The following AKAP11 variants were observed in gnomAD, a reference collection of about 807,000 sequenced individuals.
The protein encoded by AKAP11 is A-kinase anchor protein 11.
AKAP11 carries 36 observed loss-of-function variants against 146.1 expected under a neutral mutation model. The observed-to-expected ratio is 0.25, with a 90% CI of 0.19 to 0.33. The LOEUF (loss-of-function observed/expected upper bound fraction) is 0.33. Among genes scored for constraint, AKAP11 ranks in the 10% least tolerant of loss-of-function variants. AKAP11 has a pLI of 1.00. For synonymous variants in AKAP11, 780 were observed against 786.5 expected, an observed-to-expected ratio of 0.99 and a Z score of 0.14; for missense variants, 2,201 against 2,197.0, an observed-to-expected ratio of 1.00 and a Z score of -0.04.
Position 42,290,647 on chromosome 13 carries a change from C to CA in AKAP11, c.52-1737dup, listed in dbSNP as rs754107772. 2.0e-4 allele frequency among the ~76,000 whole-genome samples: 30 copies of CA among 152,156 alleles called. 1 individual carries two copies. Among genetic ancestry groups the CA allele is most frequent in the Non-Finnish European group, 2.8e-4 (19 of 68,012 alleles). ...CTGACTTTGTCTCTTTTAATGGACT[C>CA]ACAGATTTTTTTTAATCCAGTAGTC... On this transcript the variant is annotated intron_variant, in intron 3 of 12. Transcript: ENST00000025301.
At position 42,301,513 on chromosome 13, in the gene AKAP11, C is replaced by A; in HGVS notation, c.2767C>A (p.Gln923Lys). 1.2e-6 allele frequency: 2 copies of A among 1,614,010 alleles called. No individual in the cohort carries two copies. The highest frequency in any genetic ancestry group is 2.2e-5 in the South Asian group (2 of 91,042). Residue 923 changes from glutamine (Q) to lysine (K), a missense_variant, in exon 8 of 13, where the codon CAG (glutamine) becomes AAG (lysine). Around this residue, in one of 3 missense-constraint regions of AKAP11, gnomAD observed 1,867 missense variants for 1,833.5 expected, o/e 1.02. Coordinates refer to ENST00000025301, the MANE Select transcript of AKAP11 (RefSeq NM_016248.4). ...AACCCCTCCATTTTCCCACTGTGAT[C>A]AGGCAGTGCTGCAATGCAGTGAAGC... ...EKTPPFSHCD[Q>K]AVLQCSEASS...
intron 8 of AKAP11, 138 bp from the exon 9 acceptor site, chr13:42,308,316 A>G (rs1433790725): frequency 1.5e-6 from 1 of 658,172 alleles, no homozygotes; most frequent in African/African-American, 1.8e-5. Flanking sequence ...ACTCAAATAA[A>G]GGATTACATG....
chr13:42,315,178 G>C (rs1960761634), intron 11 of AKAP11, among the ~76,000 whole-genome samples: 1 of 152,126 alleles, frequency 6.6e-6, no homozygotes, highest in Admixed American at 6.5e-5. Flanking sequence ...TGAATTTTCA[G>C]TTAGTTTAAC....
chr13:42,313,139 A>T lies in AKAP11; in HGVS notation c.5357+9A>T, dbSNP rs752352130. 1.2e-6 allele frequency: 2 copies of T among 1,600,914 alleles called. No individual in the cohort carries two copies. Among genetic ancestry groups the T allele is most frequent in the Non-Finnish European group, 1.7e-6 (2 of 1,173,340 alleles). On this transcript the variant is annotated intron_variant, in intron 10 of 12. Transcript: ENST00000025301. ...TTTCCAACATCAGACAGGTTGGTCC[A>T]GTCTAGAAACTTAAAAACTGATGAG... is the stretch of plus-strand genomic sequence containing the variant.
intron 9 of AKAP11, among the ~76,000 whole-genome samples, chr13:42,311,978 T>C (rs530530889): frequency 3.9e-5 from 6 of 152,348 alleles, no homozygotes; most frequent in Admixed American, 1.3e-4. Flanking sequence ...TTGAGATTGC[T>C]TGGAAGTTTT....
intron 10 of AKAP11, 96 bp downstream of exon 10, chr13:42,313,226 G>A (rs1960648315): frequency 1.2e-6 from 1 of 822,828 alleles, no homozygotes; most frequent in Non-Finnish European, 1.9e-6. Flanking sequence ...GTGCCAGTAT[G>A]TATCAACCTG....
At chr13:42,278,924 G>A (rs1186581306) in intron 1 of AKAP11, among the ~76,000 whole-genome samples, 1 of 147,894 alleles carries the variant, frequency 6.8e-6, no homozygotes, top group African/African-American at 2.5e-5. Flanking sequence ...GTATATCTGG[G>A]TTGATGCTTT....
chr13:42,309,510 G>A (rs934293524), intron 9 of AKAP11, among the ~76,000 whole-genome samples: 1 of 152,158 alleles, frequency 6.6e-6, no homozygotes, highest in Non-Finnish European at 1.5e-5. Context: ...CATAAGGAAA[G>A]GAAATGGCTT....
In AKAP11 at chr13:42,301,677, A is replaced by G; in HGVS notation, c.2931A>G (p.Glu977=). 6.2e-7 allele frequency: 1 copy of G among 1,614,146 alleles called. No homozygotes were observed. Among genetic ancestry groups the G allele is most frequent in the Non-Finnish European group, 8.5e-7 (1 of 1,179,990 alleles). The stretch of plus-strand genomic sequence containing the variant: ...AAAGCTTGCCTGTTTCTGGAGAAGA[A>G]TCACAGTTGACACCAGAAAAGTCTC... ...YKESLPVSGE[E]SQLTPEKSPK... is the part of the protein sequence containing the mutation. The change falls in exon 8 of 13, where the codon GAA becomes GAG. Residue 977 remains glutamate (E), a synonymous_variant. Transcript: ENST00000025301.
chr13:42,314,469 AAGG>A (rs1960720375), intron 11 of AKAP11, among the ~76,000 whole-genome samples: 2 of 141,962 alleles, frequency 1.4e-5, no homozygotes, highest in South Asian at 4.6e-4. Context: ...AAAAAAAAAA[AAGG>A]AATACTTTAT....
Position 42,302,990 on chromosome 13 carries a change from A to G in AKAP11, c.4244A>G (p.Lys1415Arg), listed in dbSNP as rs898847023. The G allele has an allele frequency of 1.9e-6, 3 of 1,613,768 alleles. No homozygotes were observed. The highest frequency in any genetic ancestry group is 2.5e-6 in the Non-Finnish European group (3 of 1,180,020). Residue 1415 changes from lysine (K) to arginine (R), a missense_variant, in exon 8 of 13, where the codon AAA becomes AGA. Physicochemically the swap from Lys to Arg is conservative, Grantham distance 26. Around this residue, in one of 3 missense-constraint regions of AKAP11, gnomAD observed 1,867 missense variants for 1,833.5 expected, o/e 1.02. Transcript: ENST00000025301. ...TNKELLMFSN[K>R]EHHQEADKKR... ...AAGGAACTGTTAATGTTTTCAAACA[A>G]AGAGCACCACCAAGAAGCAGACAAA...
Position 42,301,842 on chromosome 13 carries a change from G to C in AKAP11, c.3096G>C (p.Gln1032His). Residue 1032 changes from glutamine (Q) to histidine (H), a missense_variant, in exon 8 of 13, where the codon CAG becomes CAC. Coordinates refer to ENST00000025301, the MANE Select transcript of AKAP11 (RefSeq NM_016248.4). The stretch of plus-strand genomic sequence containing the variant: ...CATCTTGTCCAGCTGTGACAGGTCA[G>C]AAATCTGACTTGAAGGAATCTGCTA... ...TLPSCPAVTG[Q>H]KSDLKESAKD... 6.2e-7 allele frequency: 1 copy of C among 1,614,176 alleles called. No homozygotes were observed. Among genetic ancestry groups the C allele is most frequent in the Non-Finnish European group, 8.5e-7 (1 of 1,180,014 alleles).
Position 42,300,049 on chromosome 13 carries a change from C to T in AKAP11, c.1303C>T (p.Arg435Cys), listed in dbSNP as rs982512953. Reference sequence around the variant, plus strand: ...CCTGTGTGATGCTCCGGATTCTCCTCGCCCAGTGAAGGCATCAAGGGAAGA... The same window carrying T: ...CCTGTGTGATGCTCCGGATTCTCCTTGCCCAGTGAAGGCATCAAGGGAAGA... ...GNLCDAPDSP[R>C]PVKASREDSG... Residue 435 changes from arginine to cysteine, a missense_variant, in exon 8 of 13, where the codon CGC (arginine) becomes TGC (cysteine). Physicochemically the swap from Arg to Cys is radical, Grantham distance 180. Transcript: ENST00000025301. 9.3e-6 allele frequency: 15 copies of T among 1,613,788 alleles called. No homozygotes were observed. The highest frequency in any genetic ancestry group is 2.2e-5 in the East Asian group (1 of 44,896).
At position 42,300,779 on chromosome 13, in the gene AKAP11, C is replaced by T. The variant is rs1345798798; in HGVS notation, c.2033C>T (p.Ser678Leu). The T allele has an allele frequency of 8.1e-6, 13 of 1,614,012 alleles. No individual in the cohort carries two copies. Among genetic ancestry groups the T allele is most frequent in the Middle Eastern group, 1.6e-4 (1 of 6,062 alleles). ...PQTPASPQCG[S>L]FDFEDKVVKL... is the part of the protein sequence containing the mutation. The stretch of plus-strand genomic sequence containing the variant: ...ACGCCTGCATCTCCACAGTGTGGGT[C>T]GTTTGACTTTGAAGACAAAGTAGTG... Residue 678 changes from serine (S) to leucine (L), a missense_variant, in exon 8 of 13, where the codon TCG (serine) becomes TTG (leucine). Physicochemically the swap from Ser to Leu is moderately radical, Grantham distance 145. This residue lies in a region of AKAP11 where 1,867 missense variants were observed against 1,833.5 expected (regional missense o/e 1.02). Coordinates refer to ENST00000025301, the MANE Select transcript of AKAP11 (RefSeq NM_016248.4).
chr13:42,286,190 C>G (rs1959164889), intron 2 of AKAP11, 110 bp from the exon 3 acceptor site: 1 of 436,732 alleles, frequency 2.3e-6, no homozygotes, highest in Non-Finnish European at 4.0e-6. Flanking sequence ...TTTTTGTTTT[C>G]ATTTTTATTT....
Position 42,301,464 on chromosome 13 carries a change from T to C in AKAP11, c.2718T>C (p.Tyr906=). The C allele has an allele frequency of 5.0e-6, 8 of 1,613,372 alleles. No individual in the cohort carries two copies. The highest frequency in any genetic ancestry group is 6.8e-6 in the Non-Finnish European group (8 of 1,179,814). The change falls in exon 8 of 13, where the codon TAT becomes TAC. Residue 906 remains tyrosine, a synonymous_variant. Coordinates refer to ENST00000025301, the MANE Select transcript of AKAP11 (RefSeq NM_016248.4). Reference sequence around the variant, plus strand: ...AAATGGTTGATGAACGTACAGATTATTTAACTAAATCTTTAAAGGAGAAAA... The same window carrying C: ...AAATGGTTGATGAACGTACAGATTACTTAACTAAATCTTTAAAGGAGAAAA... The part of the protein sequence containing the change: ...VTKMVDERTD[Y]LTKSLKEKTP...
In AKAP11 at chr13:42,302,846, A is replaced by T. The variant is rs548937817; in HGVS notation, c.4100A>T (p.Tyr1367Phe). 1 of 1,614,148 alleles carries T rather than the reference A, an allele frequency of 6.2e-7. No homozygotes were observed. Among genetic ancestry groups the T allele is most frequent in the Admixed American group, 1.7e-5 (1 of 60,016 alleles). The change falls in exon 8 of 13, where the codon TAT becomes TTT. Residue 1367 changes from tyrosine to phenylalanine, a missense_variant. By Grantham distance (22) the Tyr-to-Phe change is conservative. Transcript: ENST00000025301. The part of the protein sequence containing the change: ...GGNSELIMDQ[Y>F]ANRLAYRSVK... ...AATAGTGAGTTGATAATGGATCAGT[A>T]TGCCAATAGGCTTGCCTACCGATCT...
At chr13:42,285,936 C>T (rs1959159664) in intron 1 of AKAP11, 50 bp from the exon 2 acceptor site, 1 of 152,912 alleles carries the variant, frequency 6.5e-6, no homozygotes, top group Non-Finnish European at 1.5e-5. Flanking sequence ...GTAATATTCT[C>T]TACTTAAGCT....
At chr13:42,309,149 C>CA (rs146484034) in intron 9 of AKAP11, among the ~76,000 whole-genome samples, 18,661 of 152,130 alleles carry the variant, frequency 0.12, 1,241 homozygotes, top group African/African-American at 0.14. Context: ...TTGTATAGCA[C>CA]AAGGCACTTA....
Sources: allele counts gnomAD v4.1 joint callset (sites outside exome capture counted in the v4.1 genomes callset), GRCh38; gene constraint gnomAD v4.1.1; regional missense constraint gnomAD v4.1.1; transcripts MANE v1.5; gene names NCBI Gene and HGNC (gene_info 2026-07-23, HGNC 2026-07-21).